GPM6A: variants seen among roughly 807,000 people sequenced by gnomAD.
The protein encoded by GPM6A is neuronal membrane glycoprotein M6-a.
A neutral mutation model predicts 32.1 loss-of-function variants in GPM6A; 7 were observed. That is an observed-to-expected ratio of 0.22 (90% CI 0.12 to 0.41). The LOEUF (loss-of-function observed/expected upper bound fraction) is 0.41. GPM6A is among the 10% of genes least tolerant of loss of function. The pLI, the probability that GPM6A is intolerant of heterozygous loss-of-function variation, is 1.00. For missense variants in GPM6A, 235 were observed against 347.2 expected (o/e 0.68, Z 2.57); for synonymous variants, 130 against 123.4 (o/e 1.05, Z -0.35).
At chr4:175,909,046 G>GAGC (rs1554000477) in intron 1 of GPM6A, among the ~76,000 whole-genome samples, 3 of 98,584 alleles carry the variant, frequency 3.0e-5, no homozygotes, top group Admixed American at 1.5e-4. Context: ...AAAGGGCGGG[G>GAGC]GGGGGGCAAC....
At chr4:175,957,390 T>A (rs1740022122) in intron 1 of GPM6A, among the ~76,000 whole-genome samples, 1 of 152,214 alleles carries the variant, frequency 6.6e-6, no homozygotes, top group Non-Finnish European at 1.5e-5. Context: ...GGTAAGTCCC[T>A]ACCATGTATT....
At chr4:175,831,583 T>C (rs1275799345) in intron 1 of GPM6A, among the ~76,000 whole-genome samples, 1 of 152,154 alleles carries the variant, frequency 6.6e-6, no homozygotes, top group Non-Finnish European at 1.5e-5. Flanking sequence ...ATTAGATTCA[T>C]TGACAGGCTA....
chr4:175,708,235 A>C (rs61472511), intron 1 of GPM6A, among the ~76,000 whole-genome samples: 1 of 152,172 alleles, frequency 6.6e-6, no homozygotes, highest in East Asian at 1.9e-4. Flanking sequence ...AGGTGGGGTA[A>C]GGAGTACTGG....
chr4:175,758,463 T>TA, intron 1 of GPM6A, among the ~76,000 whole-genome samples: 1 of 152,140 alleles, frequency 6.6e-6, no homozygotes, highest in African/African-American at 2.4e-5. Context: ...GCTTCACCAA[T>TA]TCCAAGCATA....
At chr4:175,858,584 G>T (rs1438861078) in intron 1 of GPM6A, among the ~76,000 whole-genome samples, 1 of 151,812 alleles carries the variant, frequency 6.6e-6, no homozygotes, top group Non-Finnish European at 1.5e-5. Context: ...AAGTGCTGGT[G>T]AGGACATGAA....
intron 1 of GPM6A, among the ~76,000 whole-genome samples, chr4:175,886,213 C>T (rs1243625622): frequency 6.6e-6 from 1 of 152,072 alleles, no homozygotes; most frequent in Admixed American, 6.6e-5. Flanking sequence ...TACAACTGTA[C>T]TCGTTATAGG....
intron 1 of GPM6A, among the ~76,000 whole-genome samples, chr4:175,748,970 A>G (rs1461493334): frequency 6.6e-6 from 1 of 152,086 alleles, no homozygotes; most frequent in African/African-American, 2.4e-5. Flanking sequence ...AAACCTCATA[A>G]ATGAAGATCT....
chr4:175,710,044 C>T (rs1439277277), intron 1 of GPM6A, among the ~76,000 whole-genome samples: 1 of 152,096 alleles, frequency 6.6e-6, no homozygotes, highest in Non-Finnish European at 1.5e-5. Context: ...TGCAACTCTG[C>T]TATGTTTCCA....
chr4:175,737,349 C>T (rs1239338232), intron 1 of GPM6A, among the ~76,000 whole-genome samples: 1 of 152,116 alleles, frequency 6.6e-6, no homozygotes, highest in African/African-American at 2.4e-5. Flanking sequence ...ATCCTGCACG[C>T]CTGTAATCCT....
At chr4:175,902,657 A>G (rs1280219359) in intron 1 of GPM6A, among the ~76,000 whole-genome samples, 1 of 152,024 alleles carries the variant, frequency 6.6e-6, no homozygotes, top group African/African-American at 2.4e-5. Context: ...TGTTTGCCCT[A>G]TGTAAATCAG....
At chr4:175,747,806 T>C (rs1315576023) in intron 1 of GPM6A, among the ~76,000 whole-genome samples, 5 of 151,900 alleles carry the variant, frequency 3.3e-5, no homozygotes, top group Non-Finnish European at 7.4e-5. Flanking sequence ...GCCACATTGA[T>C]TAACTATTCC....
chr4:175,793,703 G>A (rs943478260), intron 1 of GPM6A, among the ~76,000 whole-genome samples: 1 of 152,132 alleles, frequency 6.6e-6, no homozygotes, highest in Non-Finnish European at 1.5e-5. Flanking sequence ...CTGCACATCA[G>A]ACACTACTTA....
intron 1 of GPM6A, among the ~76,000 whole-genome samples, chr4:175,943,253 G>A (rs1372026125): frequency 1.3e-5 from 2 of 152,164 alleles, no homozygotes; most frequent in East Asian, 3.9e-4. Flanking sequence ...CTTTGCTGAA[G>A]TTGCTTATCA....
At chr4:175,666,410 T>C (rs905497691) in intron 3 of GPM6A, among the ~76,000 whole-genome samples, 3 of 152,194 alleles carry the variant, frequency 2.0e-5, no homozygotes, top group South Asian at 2.1e-4. Flanking sequence ...CAATATGTTG[T>C]GAAGCGATAT....
rs533958674 is a variant in GPM6A at position 175,907,522 on chromosome 4, G to C, written c.-23+94787C>G. Among the ~76,000 whole-genome samples, 14 of 152,230 alleles carry C rather than the reference G, an allele frequency of 9.2e-5. No homozygotes were observed. The East Asian group carries it at 1.5e-3, about 17-fold the overall frequency. On this transcript the variant is annotated intron_variant, in intron 1 of 7. Transcript: ENST00000280187. ...CTCTGCATCAAAAATCAAAACTGTG[G>C]ATAGGAGTTGAGGACATGCTACCCC...
chr4:175,884,726 G>T (rs1334314993), intron 1 of GPM6A, among the ~76,000 whole-genome samples: 1 of 151,790 alleles, frequency 6.6e-6, no homozygotes, highest in Non-Finnish European at 1.5e-5. Context: ...TAGAGACAGG[G>T]TTTCACCATG....
intron 1 of GPM6A, among the ~76,000 whole-genome samples, chr4:175,846,663 A>G (rs1210712331): frequency 6.6e-6 from 1 of 152,178 alleles, no homozygotes; most frequent in African/African-American, 2.4e-5. Flanking sequence ...AGAAATGTCT[A>G]TACCGAAGAA....
rs968352519 is a variant in GPM6A, at chr4:175,965,942, C to T, written c.-23+36367G>A. ...GGTCTATTTCTGTTGAATCCATAGA[C>T]ATTTAAAAGCTAACAAGGGAATATT... On this transcript the variant is annotated intron_variant, in intron 1 of 7. Transcript: ENST00000280187. Among the ~76,000 whole-genome samples, 4 of 151,692 alleles carry T rather than the reference C, an allele frequency of 2.6e-5. No individual in the cohort carries two copies. The South Asian group carries it at 8.5e-4, about 32-fold the overall frequency.
At chr4:175,838,096 C>CAT (rs1553994289) in intron 1 of GPM6A, among the ~76,000 whole-genome samples, 55 of 79,328 alleles carry the variant, frequency 6.9e-4, no homozygotes, top group African/African-American at 2.9e-3. Context: ...TTAAAACACA[C>CAT]ACACACACAC....
Sources: allele counts gnomAD v4.1 joint callset (sites outside exome capture counted in the v4.1 genomes callset), GRCh38; gene constraint gnomAD v4.1.1; transcripts MANE v1.5; gene names NCBI Gene and HGNC (gene_info 2026-07-23, HGNC 2026-07-21).